The following NSMCE2 variants were observed in gnomAD, a reference collection of about 807,000 sequenced individuals.
NSMCE2 encodes the protein E3 SUMO-protein ligase NSE2.
NSMCE2 carries 24 observed loss-of-function variants against 23.8 expected under a neutral mutation model. The ratio of observed to expected loss-of-function variants is 1.01; its 90% CI spans 0.73 to 1.42. The LOEUF is 1.42. Among genes scored for constraint, NSMCE2 ranks in the 40% most tolerant of loss-of-function variants. The probability of loss-of-function intolerance (pLI) is 0.00; values close to 1 mark genes in which losing one functional copy is unlikely to be tolerated. For synonymous variants in NSMCE2, 92 were observed against 94.1 expected (o/e 0.98, Z 0.13); for missense variants, 284 against 296.5 (o/e 0.96, Z 0.31).
intron 5 of NSMCE2, among the ~76,000 whole-genome samples, chr8:125,268,230 T>C (rs567756427): frequency 6.6e-6 from 1 of 151,702 alleles, no homozygotes; most frequent in East Asian, 1.9e-4. Flanking sequence ...CAAGATGCTG[T>C]CTCAAGGAAG....
intron 5 of NSMCE2, among the ~76,000 whole-genome samples, chr8:125,305,078 A>T (rs1164223938): frequency 1.3e-5 from 2 of 152,142 alleles, no homozygotes; most frequent in Admixed American, 1.3e-4. Context: ...GAGTGGGAAG[A>T]TCTTCAGAAG....
At chr8:125,147,850 CA>C (rs1442284687) in intron 3 of NSMCE2, among the ~76,000 whole-genome samples, 14 of 152,168 alleles carry the variant, frequency 9.2e-5, no homozygotes, top group African/African-American at 3.4e-4. Context: ...ACAAGAAGAA[CA>C]AAAAAGAATT....
intron 5 of NSMCE2, among the ~76,000 whole-genome samples, chr8:125,301,393 AC>A (rs1413202880): frequency 1.3e-5 from 2 of 152,034 alleles, no homozygotes; most frequent in Admixed American, 1.3e-4. Context: ...TGGCTTTGTG[AC>A]CTTTGCAAAT....
chr8:125,240,576 T>C (rs1316107427), intron 5 of NSMCE2, among the ~76,000 whole-genome samples: 1 of 152,242 alleles, frequency 6.6e-6, no homozygotes, highest in South Asian at 2.1e-4. Flanking sequence ...TGAATTCTTT[T>C]TCTGCATCAC....
chr8:125,195,557 C>G (rs1445604433), intron 5 of NSMCE2, among the ~76,000 whole-genome samples: 2 of 152,236 alleles, frequency 1.3e-5, no homozygotes, highest in East Asian at 3.9e-4. Context: ...TTACCCATAT[C>G]TCAGAGCCTC....
At chr8:125,350,161 G>C (rs551852131) in intron 5 of NSMCE2, among the ~76,000 whole-genome samples, 1 of 152,214 alleles carries the variant, frequency 6.6e-6, no homozygotes, top group African/African-American at 2.4e-5. Context: ...GAACGAGGGA[G>C]GGGGAGTGGA....
chr8:125,326,722 G>A (rs137887576), intron 5 of NSMCE2, among the ~76,000 whole-genome samples: 17,059 of 151,964 alleles, frequency 0.11, 953 homozygotes, highest in Non-Finnish European at 0.13. Context: ...TTGGGAGGCC[G>A]AGGCAGGTGG....
At chr8:125,161,653 C>T (rs1194236562) in intron 4 of NSMCE2, among the ~76,000 whole-genome samples, 5 of 151,832 alleles carry the variant, frequency 3.3e-5, no homozygotes, top group Non-Finnish European at 7.4e-5. Flanking sequence ...AAAAATTAGC[C>T]AGGTGTGGTG....
At chr8:125,095,355 G>T (rs561027539) in intron 1 of NSMCE2, among the ~76,000 whole-genome samples, 1 of 152,036 alleles carries the variant, frequency 6.6e-6, no homozygotes, top group Non-Finnish European at 1.5e-5. Context: ...TTGAGAGGCC[G>T]AGTTGGGAGG....
intron 5 of NSMCE2, among the ~76,000 whole-genome samples, chr8:125,226,188 T>C (rs1181691233): frequency 6.6e-6 from 1 of 152,228 alleles, no homozygotes; most frequent in Non-Finnish European, 1.5e-5. Context: ...ATGGAAATAC[T>C]GCATTCCTCC....
intron 3 of NSMCE2, among the ~76,000 whole-genome samples, chr8:125,129,861 A>G (rs1819676364): frequency 6.6e-6 from 1 of 152,062 alleles, no homozygotes; most frequent in Non-Finnish European, 1.5e-5. Flanking sequence ...GAGTTCCCAT[A>G]TACCCATACC....
chr8:125,328,656 C>T (rs1374484452), intron 5 of NSMCE2, among the ~76,000 whole-genome samples: 4 of 152,164 alleles, frequency 2.6e-5, no homozygotes, highest in African/African-American at 4.8e-5. Context: ...CACAAATTCT[C>T]AATGTGTAGT....
intron 5 of NSMCE2, among the ~76,000 whole-genome samples, chr8:125,257,007 G>A (rs192362437): frequency 1.4e-5 from 2 of 141,726 alleles, no homozygotes; most frequent in African/African-American, 5.1e-5. Context: ...GTAGAAGTTA[G>A]TTAAAGGAGT....
intron 4 of NSMCE2, among the ~76,000 whole-genome samples, chr8:125,168,613 GCT>G (rs1483871133): frequency 2.0e-5 from 3 of 152,160 alleles, no homozygotes; most frequent in Admixed American, 2.0e-4. Context: ...GAGCAAACAA[GCT>G]CTCTGGGGCC....
chr8:125,346,564 G>T (rs1216560628), intron 5 of NSMCE2, among the ~76,000 whole-genome samples: 1 of 152,078 alleles, frequency 6.6e-6, no homozygotes, highest in African/African-American at 2.4e-5. Context: ...CCTATTATTT[G>T]GTTTTCCTAG....
chr8:125,163,245 T>G (rs867790556), intron 4 of NSMCE2, among the ~76,000 whole-genome samples: 1 of 152,084 alleles, frequency 6.6e-6, no homozygotes. Context: ...ATTCAAAAAT[T>G]TATACTTTCT....
chr8:125,218,100 C>G (rs771917897), intron 5 of NSMCE2, among the ~76,000 whole-genome samples: 2 of 152,084 alleles, frequency 1.3e-5, no homozygotes, highest in Non-Finnish European at 2.9e-5. Context: ...TAATTTTTCT[C>G]CTTTTTAAAA....
chr8:125,133,778 A>G (rs1819901603), intron 3 of NSMCE2, among the ~76,000 whole-genome samples: 1 of 152,026 alleles, frequency 6.6e-6, no homozygotes, highest in East Asian at 1.9e-4. Context: ...AACAAAAACC[A>G]AAACAAAAAA....
intron 3 of NSMCE2, among the ~76,000 whole-genome samples, chr8:125,129,815 G>C (rs1395330104): frequency 6.6e-6 from 1 of 150,658 alleles, no homozygotes; most frequent in Non-Finnish European, 1.5e-5. Context: ...TTTTTATTTT[G>C]GAATGATGTT....
Sources: gnomAD v4.1 joint callset for allele counts (sites outside exome capture counted in the v4.1 genomes callset) on GRCh38, gnomAD v4.1.1 for gene constraint, MANE v1.5 for transcripts, NCBI Gene and HGNC (gene_info 2026-07-23, HGNC 2026-07-21) for gene names.